RBMS3: variants seen among roughly 807,000 people sequenced by gnomAD.
RBMS3 encodes the protein RNA-binding motif, single-stranded-interacting protein 3.
Under a neutral mutation model 66.8 loss-of-function variants are expected in RBMS3, and 27 were observed. That is an observed-to-expected ratio of 0.40 (90% confidence interval 0.30 to 0.56). RBMS3 has a LOEUF of 0.56. RBMS3 is among the 20% of genes least tolerant of loss of function. The pLI, the probability that RBMS3 is intolerant of heterozygous loss-of-function variation, is 0.40. For synonymous variants in RBMS3, 188 were observed against 183.0 expected, an observed-to-expected ratio of 1.03 and a Z score of -0.22; for missense variants, 513 against 549.5, an observed-to-expected ratio of 0.93 and a Z score of 0.66.
chr3:29,305,740 T>A (rs1350590634), intron 1 of RBMS3, among the ~76,000 whole-genome samples: 1 of 152,012 alleles, frequency 6.6e-6, no homozygotes, highest in Non-Finnish European at 1.5e-5. Flanking sequence ...CTATTGTTGA[T>A]CCTTGAAGTT....
intron 5 of RBMS3, among the ~76,000 whole-genome samples, chr3:29,761,874 A>ATG (rs2055703986): frequency 6.6e-6 from 1 of 152,034 alleles, no homozygotes; most frequent in South Asian, 2.1e-4. Flanking sequence ...ACATTCTTTC[A>ATG]TGTGTGTGTA....
At chr3:29,682,821 A>G (rs1407395227) in intron 4 of RBMS3, among the ~76,000 whole-genome samples, 2 of 152,218 alleles carry the variant, frequency 1.3e-5, no homozygotes, top group Non-Finnish European at 2.9e-5. Flanking sequence ...TAGGAAAGAG[A>G]GAGAGAGAAG....
intron 14 of RBMS3, among the ~76,000 whole-genome samples, chr3:29,994,304 T>C (rs1005082363): frequency 1.3e-5 from 2 of 152,200 alleles, no homozygotes; most frequent in African/African-American, 2.4e-5. Flanking sequence ...CGCTGATTGC[T>C]AGCACAGCAG....
rs906690401 is a variant in RBMS3 at position 29,300,471 on chromosome 3, G to A, written c.75+18715G>A. The stretch of plus-strand genomic sequence containing the variant: ...TATCTTTACAAAGAACTACTATGCA[G>A]CCATGAAATCAATGAATATGGATAT... On this transcript the variant is annotated intron_variant, in intron 1 of 14. Transcript: ENST00000383767. 9.2e-5 allele frequency among the ~76,000 whole-genome samples: 14 copies of A among 151,944 alleles called. No homozygotes were observed. The East Asian group carries it at 1.4e-3, about 15-fold the overall frequency.
intron 12 of RBMS3, 47 bp downstream of exon 12, chr3:29,944,301 G>A: frequency 1.3e-6 from 2 of 1,493,586 alleles, no homozygotes; most frequent in South Asian, 1.1e-5. Flanking sequence ...GGGGAGAGAT[G>A]GAGGTTGCCT....
intron 6 of RBMS3, among the ~76,000 whole-genome samples, chr3:29,825,246 A>G (rs1482291502): frequency 6.6e-6 from 1 of 151,972 alleles, no homozygotes; most frequent in Non-Finnish European, 1.5e-5. Context: ...CATGTTGGCC[A>G]GACCGGTCTT....
At chr3:29,624,933 T>C (rs577964692) in intron 4 of RBMS3, among the ~76,000 whole-genome samples, 21 of 152,264 alleles carry the variant, frequency 1.4e-4, no homozygotes, top group African/African-American at 5.1e-4. Context: ...TCATCTTGAA[T>C]AGTAATCCCT....
chr3:29,347,746 G>A (rs2036664801), intron 1 of RBMS3, among the ~76,000 whole-genome samples: 1 of 152,144 alleles, frequency 6.6e-6, no homozygotes, highest in South Asian at 2.1e-4. Context: ...AGAATTAAAT[G>A]TTCAGTTTAT....
chr3:29,797,722 C>T (rs2057247893), intron 6 of RBMS3: 1 of 151,984 alleles, frequency 6.6e-6, no homozygotes, highest in Non-Finnish European at 1.5e-5. Context: ...TAATATTATT[C>T]CTTCTAGGCA....
At position 29,377,401 on chromosome 3, in the gene RBMS3, C is replaced by A. The variant is rs75478836; in HGVS notation, c.76-57342C>A. On this transcript the variant is annotated intron_variant, in intron 1 of 14. Transcript: ENST00000383767. Reference sequence around the variant, plus strand: ...TTCCCCAATGATAACTAATAAGAAGCCAAGGTTGAAAACCACATCTAGGCC... The same window carrying A: ...TTCCCCAATGATAACTAATAAGAAGACAAGGTTGAAAACCACATCTAGGCC... Among the ~76,000 whole-genome samples, 596 of 152,234 alleles carry A rather than the reference C, an allele frequency of 3.9e-3. 5 individuals are homozygous for A. Among genetic ancestry groups the A allele is most frequent in the African/African-American group, 0.014 (568 of 41,544 alleles).
intron 4 of RBMS3, among the ~76,000 whole-genome samples, chr3:29,717,516 G>A (rs973516113): frequency 2.6e-5 from 4 of 151,782 alleles, no homozygotes; most frequent in African/African-American, 7.3e-5. Context: ...GAAATTTTTG[G>A]CAAAACCATG....
chr3:29,549,312 G>A (rs748270023), intron 3 of RBMS3, among the ~76,000 whole-genome samples: 1 of 151,876 alleles, frequency 6.6e-6, no homozygotes. Context: ...AAGAAGGTGA[G>A]CTAGGACAAG....
At chr3:29,657,560 T>C (rs2050370229) in intron 4 of RBMS3, among the ~76,000 whole-genome samples, 1 of 152,238 alleles carries the variant, frequency 6.6e-6, no homozygotes, top group African/African-American at 2.4e-5. Flanking sequence ...GTGGAACTTA[T>C]TAATTCCTGG....
intron 9 of RBMS3, 140 bp from the exon 10 acceptor site, chr3:29,899,565 T>C (rs1326484414): frequency 1.6e-6 from 1 of 624,406 alleles, no homozygotes; most frequent in Non-Finnish European, 2.7e-6. Context: ...AATTCCCTTT[T>C]TACCCTTGGT....
rs796418867 is a variant in RBMS3, at chr3:29,753,666, AG to A, written c.558-9242del. Among the ~76,000 whole-genome samples the A allele has an allele frequency of 4.6e-5, 7 of 152,336 alleles. 1 individual carries two copies. The highest frequency in any genetic ancestry group is 1.7e-4 in the African/African-American group (7 of 41,582). ...ATCCCTGGTACCCTAAAAGCTAAAGAGGTCAGTTACTACTTCTAACAGCTCT... is the reference window on the plus strand; with the variant it reads ...ATCCCTGGTACCCTAAAAGCTAAAGAGTCAGTTACTACTTCTAACAGCTCT... On this transcript the variant is annotated intron_variant, in intron 5 of 14. Coordinates refer to ENST00000383767, the MANE Select transcript of RBMS3 (RefSeq NM_001003793.3).
At chr3:29,408,914 C>T (rs1468571757) in intron 1 of RBMS3, among the ~76,000 whole-genome samples, 1 of 152,116 alleles carries the variant, frequency 6.6e-6, no homozygotes, top group Non-Finnish European at 1.5e-5. Flanking sequence ...TTTAAGGATG[C>T]AATGTTGCAT....
intron 13 of RBMS3, 51 bp downstream of exon 13, chr3:29,988,274 A>G (rs1306691432): frequency 4.1e-6 from 6 of 1,463,856 alleles, no homozygotes; most frequent in Non-Finnish European, 4.8e-6. Flanking sequence ...AATCTCAGTC[A>G]CATATACTGT....
chr3:29,908,363 G>C (rs2060435472), intron 10 of RBMS3, among the ~76,000 whole-genome samples: 1 of 152,028 alleles, frequency 6.6e-6, no homozygotes, highest in Non-Finnish European at 1.5e-5. Flanking sequence ...AAATCAATTG[G>C]ATTGTGAAAT....
At chr3:29,306,417 A>G (rs1278414291) in intron 1 of RBMS3, among the ~76,000 whole-genome samples, 1 of 151,982 alleles carries the variant, frequency 6.6e-6, no homozygotes, top group Non-Finnish European at 1.5e-5. Context: ...TTGCCTCTTC[A>G]GATTTTCCTT....
Sources: gnomAD v4.1 joint callset for allele counts (sites outside exome capture counted in the v4.1 genomes callset) on GRCh38, gnomAD v4.1.1 for gene constraint, MANE v1.5 for transcripts, NCBI Gene and HGNC (gene_info 2026-07-23, HGNC 2026-07-21) for gene names.